Variants in VPS50 observed in about 807,000 individuals in gnomAD.
VPS50 encodes the protein VPS50 subunit of EARP/GARPII complex.
VPS50 carries 70 observed loss-of-function variants against 139.7 expected under a neutral mutation model. The observed-to-expected ratio is 0.50, with a 90% CI of 0.41 to 0.61. The LOEUF (loss-of-function observed/expected upper bound fraction) is 0.61, where lower values mean the gene tolerates loss of function less well. Ranked by LOEUF, VPS50 falls within the 20% of genes least tolerant of loss-of-function variation. The pLI is 0.00. For missense variants in VPS50, 921 were observed against 1,133.7 expected (o/e 0.81, Z 2.69); for synonymous variants, 365 against 376.7 (o/e 0.97, Z 0.36).
intron 23 of VPS50, among the ~76,000 whole-genome samples, chr7:93,347,646 A>G (rs1420750600): frequency 6.8e-6 from 1 of 147,572 alleles, no homozygotes; most frequent in Non-Finnish European, 1.5e-5. Flanking sequence ...CTATGCAGCC[A>G]TAAAAAATGA....
At chr7:93,295,201 T>C (rs1428279797) in intron 14 of VPS50, among the ~76,000 whole-genome samples, 2 of 152,206 alleles carry the variant, frequency 1.3e-5, no homozygotes, top group African/African-American at 2.4e-5. Context: ...GTTTATTTCT[T>C]AGAATTCTAA....
intron 26 of VPS50, 78 bp downstream of exon 26, chr7:93,353,839 T>C (rs756187199): frequency 2.1e-5 from 24 of 1,140,430 alleles, no homozygotes; most frequent in Admixed American, 4.4e-5. Flanking sequence ...TATTAATGGT[T>C]GGAGAGAATA....
intron 3 of VPS50, 126 bp downstream of exon 3, chr7:93,252,901 A>C: frequency 1.6e-6 from 1 of 636,814 alleles, no homozygotes; most frequent in Non-Finnish European, 2.7e-6. Context: ...TGATTACCAC[A>C]TTGTGATTAA....
intron 20 of VPS50, 101 bp from the exon 21 acceptor site, chr7:93,323,510 T>C (rs1797680062): frequency 2.9e-6 from 1 of 349,932 alleles, no homozygotes; most frequent in Non-Finnish European, 4.6e-6. Context: ...TTTCATTATA[T>C]TTAAATATTT....
Position 93,323,701 on chromosome 7 carries a change from C to A in VPS50, c.1946C>A (p.Ala649Glu). Residue 649 changes from alanine (A) to glutamate (E), a missense_variant, in exon 21 of 28, where the codon GCA becomes GAA. Physicochemically the swap from Ala to Glu is moderately radical, Grantham distance 107. Coordinates refer to ENST00000305866, the MANE Select transcript of VPS50 (RefSeq NM_017667.4). ...CAACTATTTGATTATTACTTGTATGCAATATATACCTTTTTTGGTCGGAAT... is the reference window on the plus strand; with the variant it reads ...CAACTATTTGATTATTACTTGTATGAAATATATACCTTTTTTGGTCGGAAT... ...MSQLFDYYLY[A>E]IYTFFGRNDS... The A allele has an allele frequency of 7.1e-7, 1 of 1,416,414 alleles. No individual in the cohort carries two copies. Among genetic ancestry groups the A allele is most frequent in the Non-Finnish European group, 9.5e-7 (1 of 1,054,860 alleles). The allele number at this position is 1,416,414 out of a possible 1,614,324, so 87.7% of individuals were successfully genotyped here. A position where few individuals can be genotyped will look rare whatever the true frequency, so the allele number is the denominator to read the frequency against.
chr7:93,312,813 G>A (rs972841168), intron 20 of VPS50, among the ~76,000 whole-genome samples: 1 of 151,920 alleles, frequency 6.6e-6, no homozygotes, highest in Non-Finnish European at 1.5e-5. Flanking sequence ...CAGGCTCCAT[G>A]GGCTCAGTTC....
chr7:93,302,546 C>A (rs1191476037), intron 16 of VPS50, among the ~76,000 whole-genome samples: 1 of 151,794 alleles, frequency 6.6e-6, no homozygotes, highest in Non-Finnish European at 1.5e-5. Context: ...ATTTGAAATT[C>A]TCTTTTCTAT....
chr7:93,306,120 ATACT>A, intron 18 of VPS50, 116 bp downstream of exon 18: 1 of 706,686 alleles, frequency 1.4e-6, no homozygotes, highest in Non-Finnish European at 2.5e-6. Flanking sequence ...GCCTGCCTGT[ATACT>A]TAATGTACCT....
At position 93,252,668 on chromosome 7, in the gene VPS50, C is replaced by T. The variant is rs1246401153; in HGVS notation, c.118C>T (p.Leu40Phe). 1 of 1,599,540 alleles carries T rather than the reference C, an allele frequency of 6.3e-7. No individual in the cohort carries two copies. The highest frequency in any genetic ancestry group is 1.7e-5 in the Admixed American group (1 of 57,846). The change falls in exon 3 of 28, where the codon CTT (leucine) becomes TTT (phenylalanine). Residue 40 changes from leucine (L) to phenylalanine (F), a missense_variant. Leu to Phe is a conservative substitution (Grantham distance 22). Around this residue, in one of 3 missense-constraint regions of VPS50, gnomAD observed 744 missense variants for 930.6 expected, o/e 0.80. Transcript: ENST00000305866. ...RVPGKEEFRE[L>F]REQPSDPQAE... Reference sequence around the variant, plus strand: ...TTTCTTAAAGGAAGAATTCAGGGAACTTCGAGAACAGCCAAGTGACCCTCA... The same window carrying T: ...TTTCTTAAAGGAAGAATTCAGGGAATTTCGAGAACAGCCAAGTGACCCTCA...
rs1798819493 is a variant in VPS50, at chr7:93,361,117, A to G, written c.*2681A>G. 1 of 151,240 alleles carries G rather than the reference A, an allele frequency of 6.6e-6. No individual in the cohort carries two copies. The allele number at this position is 151,240 out of a possible 1,614,324, so 9.4% of individuals were successfully genotyped here. The stretch of plus-strand genomic sequence containing the variant: ...GTTGTCTTTTGTAATAAAAAACTAG[A>G]TCTGAAGATGAATTGATGAATACAA... On this transcript the variant is annotated 3_prime_UTR_variant, in exon 28 of 28. Transcript: ENST00000305866.
chr7:93,280,700 G>A (rs907974162), intron 12 of VPS50, among the ~76,000 whole-genome samples: 3 of 151,966 alleles, frequency 2.0e-5, no homozygotes, highest in Non-Finnish European at 2.9e-5. Context: ...TTTTCCTGGG[G>A]AGCTTATTTC....
At chr7:93,301,198 G>A (rs1796964550) in intron 16 of VPS50, among the ~76,000 whole-genome samples, 1 of 151,752 alleles carries the variant, frequency 6.6e-6, no homozygotes, top group Admixed American at 6.6e-5. Context: ...TCAGGAGGCC[G>A]AGGCAGGAGA....
intron 21 of VPS50, among the ~76,000 whole-genome samples, chr7:93,330,687 G>A (rs914017030): frequency 2.0e-5 from 3 of 149,496 alleles, no homozygotes; most frequent in Non-Finnish European, 3.0e-5. Context: ...CCTGGAGGTC[G>A]AGGCTGCAGT....
chr7:93,293,837 A>G lies in VPS50; in HGVS notation c.1076-708A>G, dbSNP rs74564261. On this transcript the variant is annotated intron_variant, in intron 13 of 27. Transcript: ENST00000305866. ...GTGCTCAGAGGCAAACTTGTCATGC[A>G]TCTGTGTATCTGAGGCCTGGCATTT... 5.4e-3 allele frequency among the ~76,000 whole-genome samples: 816 copies of G among 152,276 alleles called. 9 individuals are homozygous for G. Among genetic ancestry groups the G allele is most frequent in the African/African-American group, 0.019 (772 of 41,562 alleles).
At chr7:93,237,949 A>G (rs759179235) in intron 1 of VPS50, among the ~76,000 whole-genome samples, 6 of 152,068 alleles carry the variant, frequency 3.9e-5, no homozygotes, top group Admixed American at 6.5e-5. Context: ...ATGTTTCCAT[A>G]TGTTCTCATA....
rs1797917059 is a variant in VPS50, at chr7:93,330,782, A to AC, written c.1978-3332dup. The stretch of plus-strand genomic sequence containing the variant: ...GTCTCAAAAAAAAAAAAAAAAAAAA[A>AC]CCCAAACAATTGTGCTGGAGATCCT... On this transcript the variant is annotated intron_variant, in intron 21 of 27. Coordinates refer to ENST00000305866, the MANE Select transcript of VPS50 (RefSeq NM_017667.4). Among the ~76,000 whole-genome samples, 3 of 149,902 alleles carry AC rather than the reference A, an allele frequency of 2.0e-5. 1 individual carries two copies. The South Asian group carries it at 6.3e-4, about 32-fold the overall frequency.
At chr7:93,238,717 G>T (rs1794892186) in intron 1 of VPS50, among the ~76,000 whole-genome samples, 1 of 152,110 alleles carries the variant, frequency 6.6e-6, no homozygotes, top group Non-Finnish European at 1.5e-5. Flanking sequence ...GGTGTTGATG[G>T]ACATGATCCA....
At chr7:93,312,116 G>T (rs969918024) in intron 20 of VPS50, among the ~76,000 whole-genome samples, 4 of 152,204 alleles carry the variant, frequency 2.6e-5, no homozygotes, top group East Asian at 3.9e-4. Context: ...TGTACAGAAT[G>T]CTTTTTAGGA....
intron 12 of VPS50, among the ~76,000 whole-genome samples, chr7:93,287,070 A>T (rs1045487798): frequency 2.7e-5 from 4 of 150,480 alleles, no homozygotes; most frequent in African/African-American, 9.8e-5. Context: ...TATGTATTTA[A>T]TAAAATGGTC....
Sources: gnomAD v4.1 joint callset for allele counts (sites outside exome capture counted in the v4.1 genomes callset) on GRCh38, gnomAD v4.1.1 for gene constraint, gnomAD v4.1.1 regional missense constraint, MANE v1.5 for transcripts, NCBI Gene and HGNC (gene_info 2026-07-23, HGNC 2026-07-21) for gene names.